SFI1: variants seen among roughly 807,000 people sequenced by gnomAD.
SFI1 encodes protein SFI1 homolog.
A neutral mutation model predicts 207.5 loss-of-function variants in SFI1; 195 were observed. The observed-to-expected ratio is 0.94, with a 90% CI of 0.84 to 1.06. SFI1 has a LOEUF of 1.06. SFI1 is among the 50% of genes least tolerant of loss of function. The probability of loss-of-function intolerance (pLI) is 0.00; values close to 1 mark genes in which losing one functional copy is unlikely to be tolerated. For synonymous variants in SFI1, 630 were observed against 598.9 expected (o/e 1.05, Z -0.76); for missense variants, 1,634 against 1,588.0 (o/e 1.03, Z -0.49).
intron 1 of SFI1, among the ~76,000 whole-genome samples, chr22:31,499,337 G>A (rs2053314803): frequency 1.3e-5 from 2 of 152,138 alleles, no homozygotes; most frequent in Admixed American, 6.6e-5. Flanking sequence ...TGGGATTACA[G>A]GCATGTGTCA....
At chr22:31,559,906 T>C in intron 7 of SFI1, 2 of 638,436 alleles carry the variant, frequency 3.1e-6, no homozygotes, top group South Asian at 1.5e-5. Context: ...CTGGCCACCA[T>C]GGCTGTACCA....
chr22:31,561,289 G>T lies in SFI1; in HGVS notation c.663-1G>T, dbSNP rs2061677641. 1 of 1,613,430 alleles carries T rather than the reference G, an allele frequency of 6.2e-7. No homozygotes were observed. Among genetic ancestry groups the T allele is most frequent in the Non-Finnish European group, 8.5e-7 (1 of 1,179,634 alleles). On this transcript the variant is annotated splice_acceptor_variant, in intron 7 of 32. Coordinates refer to ENST00000400288, the MANE Select transcript of SFI1 (RefSeq NM_001007467.3). LOFTEE classifies it high-confidence loss of function. ...TCCATCTTTGATTTGCTGTTTCACA[G>T]GGTGTGGTGGAGCACGTGGAGGCAG...
intron 5 of SFI1, 121 bp downstream of exon 5, chr22:31,547,092 C>G: frequency 1.5e-6 from 1 of 685,424 alleles, no homozygotes; most frequent in Admixed American, 2.7e-5. Context: ...TCTTCAAATC[C>G]TTTTTGGAGT....
In SFI1 at chr22:31,607,954, G is replaced by A. The variant is rs2069345955; in HGVS notation, c.2175G>A (p.Arg725=). 6.2e-7 allele frequency: 1 copy of A among 1,613,854 alleles called. No individual in the cohort carries two copies. Among genetic ancestry groups the A allele is most frequent in the Non-Finnish European group, 8.5e-7 (1 of 1,179,832 alleles). Reference sequence around the variant, plus strand: ...GCCCATAGGTCCTGGTCCAGTGGCGGGAAGCTGTGTCAGTGCAGATGTATT... The same window carrying A: ...GCCCATAGGTCCTGGTCCAGTGGCGAGAAGCTGTGTCAGTGCAGATGTATT... ...TICSKVLVQW[R]EAVSVQMYYR... is the part of the protein sequence containing the mutation. The change falls in exon 22 of 33, where the codon CGG becomes CGA. Residue 725 remains arginine, a synonymous_variant. Transcript: ENST00000400288.
At chr22:31,559,030 C>T (rs2061427825) in intron 7 of SFI1, among the ~76,000 whole-genome samples, 1 of 151,666 alleles carries the variant, frequency 6.6e-6, no homozygotes, top group South Asian at 2.1e-4. Flanking sequence ...TGGTCTTGAA[C>T]TCCTGACCTC....
chr22:31,583,204 C>T (rs886276199), intron 12 of SFI1, among the ~76,000 whole-genome samples: 1 of 152,200 alleles, frequency 6.6e-6, no homozygotes, highest in Non-Finnish European at 1.5e-5. Context: ...ACCTCCACCT[C>T]CCGGGTTTAA....
chr22:31,522,215 G>A (rs989550948), intron 2 of SFI1, among the ~76,000 whole-genome samples: 16 of 151,926 alleles, frequency 1.1e-4, no homozygotes, highest in African/African-American at 2.9e-4. Context: ...TTACAGGCGC[G>A]TGCCACCATG....
chr22:31,569,912 C>T (rs964998798), intron 8 of SFI1, among the ~76,000 whole-genome samples: 2 of 150,170 alleles, frequency 1.3e-5, no homozygotes, highest in Non-Finnish European at 2.9e-5. Flanking sequence ...TGTACCACTG[C>T]CCTCTAGCCT....
Position 31,615,225 on chromosome 22 carries a change from G to C in SFI1, c.3246G>C (p.Leu1082=). Residue 1082 remains leucine, a synonymous_variant, in exon 29 of 33, where the codon CTG becomes CTC. Transcript: ENST00000400288. Reference sequence around the variant, plus strand: ...CGACGGCAAGCACAGGCCCGGAGCTGCTGCTGCTGCCTCTTTCCTCCTTCA... The same window carrying C: ...CGACGGCAAGCACAGGCCCGGAGCTCCTGCTGCTGCCTCTTTCCTCCTTCA... The part of the protein sequence containing the change: ...QPPTASTGPE[L]LLLPLSSFMP... 6.5e-7 allele frequency: 1 copy of C among 1,545,456 alleles called. No individual in the cohort carries two copies. The highest frequency in any genetic ancestry group is 8.7e-7 in the Non-Finnish European group (1 of 1,153,550).
intron 7 of SFI1, chr22:31,559,523 G>T: frequency 1.8e-6 from 1 of 552,918 alleles, no homozygotes; most frequent in Non-Finnish European, 3.4e-6. Context: ...CGTATTTTGC[G>T]AATACTCAAC....
At chr22:31,502,444 G>C (rs1376492683) in intron 1 of SFI1, among the ~76,000 whole-genome samples, 1 of 151,202 alleles carries the variant, frequency 6.6e-6, no homozygotes, top group African/African-American at 2.4e-5. Flanking sequence ...GCGTGATCTC[G>C]GCTCCTGCAG....
At chr22:31,563,682 T>C (rs1056702846) in intron 8 of SFI1, among the ~76,000 whole-genome samples, 2 of 151,510 alleles carry the variant, frequency 1.3e-5, no homozygotes, top group African/African-American at 4.8e-5. Context: ...GCCTCCCGGG[T>C]TCAAGCGATT....
rs1264752464 is a variant in SFI1, at chr22:31,613,020, T to C, written c.2491-122T>C. On this transcript the variant is annotated intron_variant, in intron 24 of 32. Transcript: ENST00000400288. Reference sequence around the variant, plus strand: ...CAGGCACAAGGCTGGCCCTTCCTAGTGGAGGAAGTGGGAGCCTCGACTAGA... The same window carrying C: ...CAGGCACAAGGCTGGCCCTTCCTAGCGGAGGAAGTGGGAGCCTCGACTAGA... 10 of 980,640 alleles carry C rather than the reference T, an allele frequency of 1.0e-5. No individual in the cohort carries two copies. In the Admixed American group the frequency reaches 2.4e-4, roughly 23 times the overall value. 60.7% of individuals were successfully genotyped at this position (980,640 alleles called of 1,614,324 possible).
intron 11 of SFI1, among the ~76,000 whole-genome samples, chr22:31,579,306 A>G: frequency 6.6e-6 from 1 of 150,848 alleles, no homozygotes; most frequent in East Asian, 1.9e-4. Context: ...ACCATGCCCA[A>G]CTAATTTTTT....
chr22:31,586,871 C>T (rs937098110), intron 14 of SFI1, among the ~76,000 whole-genome samples: 1 of 152,108 alleles, frequency 6.6e-6, no homozygotes, highest in African/African-American at 2.4e-5. Context: ...AAAGGTATAG[C>T]GGGTCTGAAA....
chr22:31,557,175 A>G, intron 7 of SFI1, 116 bp downstream of exon 7: 1 of 694,158 alleles, frequency 1.4e-6, no homozygotes, highest in Non-Finnish European at 2.3e-6. Context: ...ATTTGGTTTT[A>G]TTTTTGTGTT....
At chr22:31,533,234 T>C (rs893070617) in intron 4 of SFI1, among the ~76,000 whole-genome samples, 1 of 152,028 alleles carries the variant, frequency 6.6e-6, no homozygotes, top group Non-Finnish European at 1.5e-5. Context: ...GAAGGTTAAG[T>C]TTTAGTGTTC....
chr22:31,500,806 GTTTTTTTT>G (rs1035587309), intron 1 of SFI1, among the ~76,000 whole-genome samples: 4 of 102,834 alleles, frequency 3.9e-5, no homozygotes, highest in Non-Finnish European at 8.2e-5. Flanking sequence ...TTTGTTTTTT[GTTTTTTTT>G]TTTGAGTCTG....
intron 4 of SFI1, among the ~76,000 whole-genome samples, chr22:31,542,892 G>T (rs953048011): frequency 2.0e-5 from 3 of 151,736 alleles, no homozygotes; most frequent in African/African-American, 7.2e-5. Context: ...AAACTCCTGA[G>T]CTCAAGGGAT....
Sources: gnomAD v4.1 joint callset for allele counts (sites outside exome capture counted in the v4.1 genomes callset) on GRCh38, gnomAD v4.1.1 for gene constraint, MANE v1.5 for transcripts, NCBI Gene and HGNC (gene_info 2026-07-23, HGNC 2026-07-21) for gene names.